Variants in PRAG1 observed in about 807,000 individuals in gnomAD.
PRAG1 encodes inactive tyrosine-protein kinase PRAG1.
PRAG1 carries 110 observed loss-of-function variants against 95.6 expected under a neutral mutation model. That is an observed-to-expected ratio of 1.15 (90% CI 0.99 to 1.35). The LOEUF (loss-of-function observed/expected upper bound fraction) is 1.35. PRAG1 is among the 40% of genes most tolerant of loss of function. The pLI, the probability that PRAG1 is intolerant of heterozygous loss-of-function variation, is 0.00. For missense variants in PRAG1, 2,554 were observed against 1,864.7 expected (o/e 1.37, Z -6.81); for synonymous variants, 1,052 against 819.4 (o/e 1.28, Z -4.85).
intron 1 of PRAG1, among the ~76,000 whole-genome samples, chr8:8,382,954 C>T (rs1035457861): frequency 1.3e-5 from 2 of 152,168 alleles, no homozygotes; most frequent in African/African-American, 2.4e-5. Flanking sequence ...TCTTCTTAGC[C>T]TATTTAAAAT....
chr8:8,385,249 C>G (rs534857668), intron 1 of PRAG1, among the ~76,000 whole-genome samples: 2 of 152,246 alleles, frequency 1.3e-5, no homozygotes, highest in East Asian at 3.9e-4. Flanking sequence ...CAGGGCTGAC[C>G]AGGCAGAAAG....
At chr8:8,380,730 G>C (rs571305965) in intron 2 of PRAG1, among the ~76,000 whole-genome samples, 1 of 151,326 alleles carries the variant, frequency 6.6e-6, no homozygotes, top group African/African-American at 2.4e-5. Context: ...GTGGGTGCCT[G>C]TAATCCCAGC....
rs148848522 is a variant in PRAG1, at chr8:8,374,824, G to A, written c.2162+1423C>T. 332 of 325,842 alleles carry A rather than the reference G, an allele frequency of 1.0e-3. 2 individuals carry two copies. The highest frequency in any genetic ancestry group is 6.9e-3 in the African/African-American group (311 of 44,752). The allele number at this position is 325,842 out of a possible 1,614,324, so 20.2% of individuals were successfully genotyped here. A position where few individuals can be genotyped will look rare whatever the true frequency, so the allele number is the denominator to read the frequency against. ...GTTAGATCACATCAGTGCCTGAGACGCCGTGATGTTCAAAGTCAAGCGTCC... is the reference window on the plus strand; with the variant it reads ...GTTAGATCACATCAGTGCCTGAGACACCGTGATGTTCAAAGTCAAGCGTCC... On this transcript the variant is annotated intron_variant, in intron 3 of 5. Coordinates refer to ENST00000615670, the MANE Select transcript of PRAG1 (RefSeq NM_001080826.3).
intron 3 of PRAG1, among the ~76,000 whole-genome samples, chr8:8,367,132 T>A (rs563591458): frequency 2.0e-5 from 3 of 152,214 alleles, no homozygotes; most frequent in East Asian, 3.9e-4. Context: ...ATGATCAGAA[T>A]TGGCATGGAG....
rs182018644 is a variant in PRAG1 at position 8,377,266 on chromosome 8, G to T, written c.1143C>A (p.Gly381=). The T allele has an allele frequency of 8.7e-6, 14 of 1,612,750 alleles. No individual in the cohort carries two copies. The East Asian group carries it at 2.9e-4, about 33-fold the overall frequency. Residue 381 remains glycine, a synonymous_variant, in exon 3 of 6, where the codon GGC becomes GGA. Transcript: ENST00000615670. The stretch of plus-strand genomic sequence containing the variant: ...ATCTGCTAGGGGTCACCCCTGGGCA[G>T]CCAGGGTCCTGCTGCTTCTCTGGGG... The part of the protein sequence containing the change: ...EPAPEKQQDP[G]CPGVTPSRCL...
chr8:8,356,374 C>G (rs1404058420), intron 3 of PRAG1, among the ~76,000 whole-genome samples: 3 of 152,176 alleles, frequency 2.0e-5, no homozygotes, highest in African/African-American at 7.2e-5. Flanking sequence ...GAGACAGGGT[C>G]TCACTCTGTC....
intron 3 of PRAG1, among the ~76,000 whole-genome samples, chr8:8,371,341 A>G (rs1800196200): frequency 6.6e-6 from 1 of 151,320 alleles, no homozygotes; most frequent in Non-Finnish European, 1.5e-5. Context: ...GCTCCCTGCA[A>G]GCTCCGCCTC....
intron 3 of PRAG1, among the ~76,000 whole-genome samples, chr8:8,371,131 CAA>C (rs549978543): frequency 1.1e-4 from 9 of 81,588 alleles, no homozygotes; most frequent in East Asian, 3.9e-4. Context: ...GATTCTGTCT[CAA>C]AAAAAAAAAA....
At chr8:8,362,076 G>C (rs80316036) in intron 3 of PRAG1, among the ~76,000 whole-genome samples, 5 of 152,174 alleles carry the variant, frequency 3.3e-5, no homozygotes, top group Non-Finnish European at 7.4e-5. Flanking sequence ...TCCCTGGGGA[G>C]GATCTTAACT....
At chr8:8,373,752 C>T (rs1282353239) in intron 3 of PRAG1, among the ~76,000 whole-genome samples, 1 of 152,098 alleles carries the variant, frequency 6.6e-6, no homozygotes, top group African/African-American at 2.4e-5. Flanking sequence ...TAAGTCCGGC[C>T]CTTCTTTTTA....
At chr8:8,320,677 AC>A (rs1388164343) in intron 5 of PRAG1, among the ~76,000 whole-genome samples, 1 of 152,268 alleles carries the variant, frequency 6.6e-6, no homozygotes, top group African/African-American at 2.4e-5. Flanking sequence ...TCTCACATCT[AC>A]CTATAAAATA....
In PRAG1 at chr8:8,377,331, G is replaced by C. The variant is rs560567427; in HGVS notation, c.1078C>G (p.His360Asp). 1.9e-6 allele frequency: 3 copies of C among 1,606,106 alleles called. No individual in the cohort carries two copies. The South Asian group carries it at 3.3e-5, about 18-fold the overall frequency. ...GSGASSPFVP[H>D]LESDYCSLMK... ...AGGGAGCAGTAATCACTCTCGAGGT[G>C]GGGGACGAAGGGGCTACTGGCGCCG... Residue 360 changes from histidine to aspartate, a missense_variant, in exon 3 of 6, where the codon CAC becomes GAC. Physicochemically the swap from His to Asp is moderately conservative, Grantham distance 81 (BLOSUM62 -1). Transcript: ENST00000615670.
At chr8:8,383,454 G>C (rs1386619604) in intron 1 of PRAG1, among the ~76,000 whole-genome samples, 1 of 152,058 alleles carries the variant, frequency 6.6e-6, no homozygotes, top group Non-Finnish European at 1.5e-5. Flanking sequence ...AGCCATGCAT[G>C]CCTGTGGTCC....
chr8:8,383,947 C>T (rs771119757), intron 1 of PRAG1, among the ~76,000 whole-genome samples: 25 of 152,256 alleles, frequency 1.6e-4, no homozygotes, highest in Non-Finnish European at 2.8e-4. Flanking sequence ...CTTCCTGGGA[C>T]GCTGATGGGT....
chr8:8,361,119 C>T (rs1416621609), intron 3 of PRAG1, among the ~76,000 whole-genome samples: 1 of 152,174 alleles, frequency 6.6e-6, no homozygotes, highest in Non-Finnish European at 1.5e-5. Flanking sequence ...GTTCCTTTTT[C>T]AGACTTCGGA....
rs1798707592 is a variant in PRAG1 at position 8,328,260 on chromosome 8, C to G, written c.2522G>C (p.Gly841Ala). Residue 841 changes from glycine (G) to alanine (A), a missense_variant, in exon 5 of 6, where the codon GGA becomes GCA. Coordinates refer to ENST00000615670, the MANE Select transcript of PRAG1 (RefSeq NM_001080826.3). Reference sequence around the variant, plus strand: ...TAGGTTCAGCTTGGGGCTTGCTGTTCCGGGCTTGGGGGAGCCTTGGGTCCA... The same window carrying G: ...TAGGTTCAGCTTGGGGCTTGCTGTTGCGGGCTTGGGGGAGCCTTGGGTCCA... ...FFWTQGSPKP[G>A]TASPKLNLSH... 6.2e-7 allele frequency: 1 copy of G among 1,614,126 alleles called. No homozygotes were observed. The highest frequency in any genetic ancestry group is 1.3e-5 in the African/African-American group (1 of 75,038).
At position 8,318,069 on chromosome 8, in the gene PRAG1, C is replaced by A. The variant is rs1475877066; in HGVS notation, c.*85G>T. 6.7e-6 allele frequency: 9 copies of A among 1,349,018 alleles called. No individual in the cohort carries two copies. In the South Asian group the frequency reaches 1.3e-4, roughly 20 times the overall value. 83.6% of individuals were successfully genotyped at this position (1,349,018 alleles called of 1,614,324 possible). A position where few individuals can be genotyped will look rare whatever the true frequency, so the allele number is the denominator to read the frequency against. On this transcript the variant is annotated 3_prime_UTR_variant, in exon 6 of 6. Transcript: ENST00000615670. This position sits in a 1 kb window ranked among gnomAD's most constrained non-coding sequence, Gnocchi z 4.2. ...GGTATCCCAGTCATCTGTACCATTT[C>A]CCAGGGAGACATGGGTGCTTCCAAG... is the stretch of plus-strand genomic sequence containing the variant.
chr8:8,376,350 C>T lies in PRAG1; in HGVS notation c.2059G>A (p.Val687Ile), dbSNP rs1800389762. Residue 687 changes from valine to isoleucine, a missense_variant, in exon 3 of 6, where the codon GTT becomes ATT. Physicochemically the swap from Val to Ile is conservative, Grantham distance 29. Coordinates refer to ENST00000615670, the MANE Select transcript of PRAG1 (RefSeq NM_001080826.3). ...GCGGATTTGCTCATCCCGGTCCCAACTTTGCTGTTCTGCCCAGAGGAGCCA... is the reference window on the plus strand; with the variant it reads ...GCGGATTTGCTCATCCCGGTCCCAATTTTGCTGTTCTGCCCAGAGGAGCCA... ...TDGSSGQNSK[V>I]GTGMSKSASF... is the part of the protein sequence containing the mutation. 1.2e-6 allele frequency: 2 copies of T among 1,614,220 alleles called. No homozygotes were observed. The highest frequency in any genetic ancestry group is 2.2e-5 in the South Asian group (2 of 91,088).
chr8:8,340,818 T>G (rs1225778398), intron 3 of PRAG1, among the ~76,000 whole-genome samples: 4 of 152,208 alleles, frequency 2.6e-5, no homozygotes, highest in African/African-American at 7.2e-5. Context: ...GAATCGTACT[T>G]TTAAACTGTG....
Sources: allele counts gnomAD v4.1 joint callset (sites outside exome capture counted in the v4.1 genomes callset), GRCh38; gene constraint gnomAD v4.1.1; non-coding constraint Gnocchi (gnomAD v3.1); transcripts MANE v1.5; gene names NCBI Gene and HGNC (gene_info 2026-07-23, HGNC 2026-07-21).